ATP13A5: variants seen among roughly 807,000 people sequenced by gnomAD.
The protein encoded by ATP13A5 is ATPase 13A5, also known as probable cation-transporting ATPase 13A5.
ATP13A5 carries 149 observed loss-of-function variants against 150.2 expected under a neutral mutation model. The observed-to-expected ratio is 0.99, with a 90% CI of 0.87 to 1.14. ATP13A5 has a LOEUF of 1.14. ATP13A5 is among the 50% of genes most tolerant of loss of function. ATP13A5 has a pLI of 0.00. For synonymous variants in ATP13A5, 497 were observed against 522.2 expected, an observed-to-expected ratio of 0.95 and a Z score of 0.66; for missense variants, 1,383 against 1,449.3, an observed-to-expected ratio of 0.95 and a Z score of 0.74.
At chr3:193,334,016 T>C in intron 10 of ATP13A5, 109 bp from the exon 11 acceptor site, 2 of 951,308 alleles carry the variant, frequency 2.1e-6, no homozygotes, top group Non-Finnish European at 3.1e-6. Context: ...TCTAACCTTC[T>C]ACCTAATCAT....
In ATP13A5 at chr3:193,365,130, TATCTC is replaced by T. The variant is rs1713193558; in HGVS notation, c.64-855_64-851del. Among the ~76,000 whole-genome samples, 3 of 152,284 alleles carry T rather than the reference TATCTC, an allele frequency of 2.0e-5. No individual in the cohort carries two copies. In the South Asian group the frequency reaches 6.2e-4, roughly 32 times the overall value. ...CCTGAGGGATGCTGATTATGAATAA[TATCTC>T]TACTATACTATTATTTTAGGTTCTG... On this transcript the variant is annotated intron_variant, in intron 1 of 29. Coordinates refer to ENST00000342358, the MANE Select transcript of ATP13A5 (RefSeq NM_198505.4).
chr3:193,360,924 G>C (rs113790343), intron 5 of ATP13A5, among the ~76,000 whole-genome samples: 2 of 152,120 alleles, frequency 1.3e-5, no homozygotes, highest in Non-Finnish European at 2.9e-5. Flanking sequence ...TGAACCACCC[G>C]CCTTGGCCTC....
intron 25 of ATP13A5, among the ~76,000 whole-genome samples, 174 bp from the exon 26 acceptor site, chr3:193,290,233 C>T (rs918247160): frequency 2.0e-5 from 3 of 152,072 alleles, no homozygotes; most frequent in Non-Finnish European, 2.9e-5. Context: ...GTTCCACCAG[C>T]CTTTGTCTCT....
rs1326495012 is a variant in ATP13A5 at position 193,299,120 on chromosome 3, A to G, written c.2848+11T>C. 4 of 1,583,118 alleles carry G rather than the reference A, an allele frequency of 2.5e-6. No individual in the cohort carries two copies. The highest frequency in any genetic ancestry group is 3.4e-6 in the Non-Finnish European group (4 of 1,163,898). On this transcript the variant is annotated intron_variant, in intron 25 of 29. Coordinates refer to ENST00000342358, the MANE Select transcript of ATP13A5 (RefSeq NM_198505.4). ...TAAAAACAATATAGTTTTCTTTGCTAAAGAGCTTACTTGTTAAACAGACCA... is the reference window on the plus strand; with the variant it reads ...TAAAAACAATATAGTTTTCTTTGCTGAAGAGCTTACTTGTTAAACAGACCA...
chr3:193,327,078 A>G (rs1400695126), intron 12 of ATP13A5, 21 bp from the exon 13 acceptor site: 2 of 1,593,164 alleles, frequency 1.3e-6, no homozygotes, highest in Non-Finnish European at 1.7e-6. Context: ...ATTAAAAGCA[A>G]TATTAGCATA....
chr3:193,375,176 A>G (rs1474484450), intron 1 of ATP13A5, among the ~76,000 whole-genome samples: 1 of 152,182 alleles, frequency 6.6e-6, no homozygotes, highest in African/African-American at 2.4e-5. Flanking sequence ...ATAGGGAAGG[A>G]GAACAGGGAA....
chr3:193,363,379 C>T lies in ATP13A5; in HGVS notation c.241G>A (p.Glu81Lys), dbSNP rs749785921. The T allele has an allele frequency of 3.1e-6, 5 of 1,610,574 alleles. No homozygotes were observed. The highest frequency in any genetic ancestry group is 4.5e-5 in the East Asian group (2 of 44,746). Residue 81 changes from glutamate to lysine, a missense_variant, in exon 3 of 30, where the codon GAA becomes AAA. This residue lies in a region of ATP13A5 where 787 missense variants were observed against 771.9 expected (regional missense o/e 1.02). Coordinates refer to ENST00000342358, the MANE Select transcript of ATP13A5 (RefSeq NM_198505.4). ...TTCTTCCTCATATATCTTTGAAATT[C>T]GTCCTGGAAAAGACAATCCAGTTCA... ...ADTVLLRTTDEFQRYMRKKVF... is the reference protein window; with the variant it reads ...ADTVLLRTTDKFQRYMRKKVF...
At chr3:193,360,378 T>C (rs1484209521) in intron 5 of ATP13A5, among the ~76,000 whole-genome samples, 2 of 152,248 alleles carry the variant, frequency 1.3e-5, no homozygotes, top group Non-Finnish European at 2.9e-5. Context: ...TCAGAGATTC[T>C]TGTGTATCCC....
At chr3:193,294,809 A>G (rs1718099403) in intron 25 of ATP13A5, among the ~76,000 whole-genome samples, 1 of 152,164 alleles carries the variant, frequency 6.6e-6, no homozygotes. Context: ...ACCGAATACC[A>G]TAGTTTAGCC....
At chr3:193,329,416 T>C (rs1412992809) in intron 12 of ATP13A5, among the ~76,000 whole-genome samples, 1 of 152,054 alleles carries the variant, frequency 6.6e-6, no homozygotes, top group African/African-American at 2.4e-5. Context: ...GGTGAGGACA[T>C]GAGGATGTGG....
intron 1 of ATP13A5, among the ~76,000 whole-genome samples, chr3:193,377,464 ATGTT>A (rs1382997356): frequency 2.0e-5 from 3 of 152,168 alleles, no homozygotes; most frequent in African/African-American, 7.2e-5. Flanking sequence ...TATTAATAAG[ATGTT>A]TTACTTTTTT....
At chr3:193,316,733 T>C (rs1719066237) in intron 17 of ATP13A5, among the ~76,000 whole-genome samples, 1 of 152,220 alleles carries the variant, frequency 6.6e-6, no homozygotes, top group Non-Finnish European at 1.5e-5. Flanking sequence ...TTATCAGATA[T>C]ATGGTTTGCA....
At chr3:193,286,055 C>T (rs1039487462) in intron 26 of ATP13A5, among the ~76,000 whole-genome samples, 4 of 152,060 alleles carry the variant, frequency 2.6e-5, no homozygotes, top group African/African-American at 9.7e-5. Context: ...AGTGAGGTCA[C>T]ATAATATTTA....
rs57617984 is a variant in ATP13A5, at chr3:193,279,976, T to TAAAAAA, written c.3227-528_3227-523dup. 4.0e-4 allele frequency among the ~76,000 whole-genome samples: 24 copies of TAAAAAA among 59,898 alleles called. 4 individuals carry two copies. Among genetic ancestry groups the TAAAAAA allele is most frequent in the East Asian group, 3.9e-3 (6 of 1,528 alleles). The allele number at this position is 59,898 out of a possible 152,430, so 39.3% of individuals were successfully genotyped here. ...CACTCTCTAGCTTCTGTGTCTTTGT[T>TAAAAAA]AAAAAAAAAAAAAAAAAAAAAAAAA... On this transcript the variant is annotated intron_variant, in intron 27 of 29. Transcript: ENST00000342358.
chr3:193,320,313 A>T (rs2108861226), intron 16 of ATP13A5, among the ~76,000 whole-genome samples: 1 of 152,304 alleles, frequency 6.6e-6, no homozygotes. Context: ...TGGGAATCTA[A>T]TTTCAAGAAA....
At chr3:193,306,353 TC>T (rs1457709988) in intron 22 of ATP13A5, among the ~76,000 whole-genome samples, 1 of 152,056 alleles carries the variant, frequency 6.6e-6, no homozygotes, top group Non-Finnish European at 1.5e-5. Context: ...AGAGACTATG[TC>T]CCTTTTTGCA....
chr3:193,277,171 A>G (rs1717256564), intron 28 of ATP13A5, among the ~76,000 whole-genome samples: 1 of 152,194 alleles, frequency 6.6e-6, no homozygotes, highest in Admixed American at 6.5e-5. Flanking sequence ...GGCTAAGATT[A>G]AATCATTCAT....
At chr3:193,278,043 A>T (rs546830032) in intron 28 of ATP13A5, among the ~76,000 whole-genome samples, 1 of 152,166 alleles carries the variant, frequency 6.6e-6, no homozygotes, top group South Asian at 2.1e-4. Flanking sequence ...ACCTCAAGTG[A>T]TCCACCCGCC....
chr3:193,368,989 A>G (rs1165922409), intron 1 of ATP13A5, among the ~76,000 whole-genome samples: 2 of 152,224 alleles, frequency 1.3e-5, no homozygotes, highest in Non-Finnish European at 2.9e-5. Flanking sequence ...CACACCTGTA[A>G]TCCCAGTGCT....
Sources: gnomAD v4.1 joint callset for allele counts (sites outside exome capture counted in the v4.1 genomes callset) on GRCh38, gnomAD v4.1.1 for gene constraint, gnomAD v4.1.1 regional missense constraint, MANE v1.5 for transcripts, NCBI Gene and HGNC (gene_info 2026-07-23, HGNC 2026-07-21) for gene names.